SLC9A3: variants seen among roughly 807,000 people sequenced by gnomAD.
The protein encoded by SLC9A3 is sodium/hydrogen exchanger 3.
Under a neutral mutation model 86.8 loss-of-function variants are expected in SLC9A3, and 37 were observed. That is an observed-to-expected ratio of 0.43 (90% CI 0.33 to 0.56). The LOEUF is 0.56. Among genes scored for constraint, SLC9A3 ranks in the 20% least tolerant of loss-of-function variants. SLC9A3 has a pLI of 0.06. For synonymous variants in SLC9A3, 581 were observed against 528.3 expected, an observed-to-expected ratio of 1.10 and a Z score of -1.37; for missense variants, 1,011 against 1,171.9, an observed-to-expected ratio of 0.86 and a Z score of 2.00.
intron 1 of SLC9A3, among the ~76,000 whole-genome samples, chr5:516,928 C>T (rs1329777744): frequency 6.6e-6 from 1 of 152,220 alleles, no homozygotes; most frequent in Non-Finnish European, 1.5e-5. Flanking sequence ...ACAGCCTCTT[C>T]CTGGGCCCAG....
At chr5:509,944 C>T (rs745983866) in intron 1 of SLC9A3, among the ~76,000 whole-genome samples, 2 of 152,230 alleles carry the variant, frequency 1.3e-5, no homozygotes, top group African/African-American at 4.8e-5. Context: ...CTGCAGTCAG[C>T]GCTCCACTGC....
At chr5:517,823 ATCCAT>A (rs1388364089) in intron 1 of SLC9A3, among the ~76,000 whole-genome samples, 2 of 84,666 alleles carry the variant, frequency 2.4e-5, no homozygotes, top group African/African-American at 1.0e-4. Flanking sequence ...CCATCCATCC[ATCCAT>A]CCATCCATCC....
Position 491,869 on chromosome 5 carries a change from G to A in SLC9A3, c.414C>T (p.Gly138=), listed in dbSNP as rs149746070. 4 of 1,610,590 alleles carry A rather than the reference G, an allele frequency of 2.5e-6. No individual in the cohort carries two copies. The highest frequency in any genetic ancestry group is 3.3e-5 in the Admixed American group (2 of 59,754). Residue 138 remains glycine (G), a synonymous_variant, in exon 2 of 17, where the codon GGC becomes GGT. Transcript: ENST00000264938. The surrounding 1 kb of genome is among the most constrained non-coding windows in gnomAD (Gnocchi z 9.2). ...GYFMPNRLFF[G]NLGTILLYAV... ...CGTACAACAGGATGGTCCCCAGGTTGCCGAAGAAGAGGCGGTTGGGCATGA... is the reference window on the plus strand; with the variant it reads ...CGTACAACAGGATGGTCCCCAGGTTACCGAAGAAGAGGCGGTTGGGCATGA...
At chr5:495,352 A>G (rs1579799957) in intron 1 of SLC9A3, among the ~76,000 whole-genome samples, 1 of 147,310 alleles carries the variant, frequency 6.8e-6, no homozygotes, top group African/African-American at 2.5e-5. Context: ...CAACAACGCA[A>G]CTCTGTGCCC....
chr5:499,143 A>G (rs1740156065), intron 1 of SLC9A3, among the ~76,000 whole-genome samples: 1 of 152,240 alleles, frequency 6.6e-6, no homozygotes, highest in African/African-American at 2.4e-5. Context: ...GGTCTGCTCC[A>G]CACGGCTTTT....
At chr5:488,175 G>A in intron 3 of SLC9A3, 141 bp downstream of exon 3, 1 of 848,792 alleles carries the variant, frequency 1.2e-6, no homozygotes, top group Non-Finnish European at 1.9e-6. Flanking sequence ...GAGGAAGGAG[G>A]TGGAGGGACG....
chr5:476,926 C>T (rs1282156998), intron 11 of SLC9A3, among the ~76,000 whole-genome samples: 1 of 152,268 alleles, frequency 6.6e-6, no homozygotes, highest in Non-Finnish European at 1.5e-5. Context: ...CTTACTGGTC[C>T]CTCTCCAAAG....
At position 473,313 on chromosome 5, in the gene SLC9A3, G is replaced by T. The variant is rs1289144842; in HGVS notation, c.*66C>A. On this transcript the variant is annotated 3_prime_UTR_variant, in exon 17 of 17. Transcript: ENST00000264938. ...GATCTGGGGTTTCTCTGGGACAGCG[G>T]CGGCGGCGGTGGGCGGACCGTGGCG... 5 of 1,380,042 alleles carry T rather than the reference G, an allele frequency of 3.6e-6. No homozygotes were observed. The highest frequency in any genetic ancestry group is 3.8e-6 in the Non-Finnish European group (4 of 1,063,140). 85.5% of individuals were successfully genotyped at this position (1,380,042 alleles called of 1,614,324 possible).
intron 14 of SLC9A3, 109 bp from the exon 15 acceptor site, chr5:475,780 C>G (rs45521339): frequency 1.4e-5 from 10 of 732,018 alleles, no homozygotes; most frequent in Non-Finnish European, 2.4e-5. Flanking sequence ...CAGTCGGGAC[C>G]CACAGAGAGG....
In SLC9A3 at chr5:471,188, G is replaced by A. The variant is rs185328779; in HGVS notation, c.*2191C>T. 6.3e-6 allele frequency: 1 copy of A among 159,424 alleles called. No homozygotes were observed. Among genetic ancestry groups the A allele is most frequent in the African/African-American group, 2.4e-5 (1 of 41,666 alleles). The allele number at this position is 159,424 out of a possible 1,614,324, so 9.9% of individuals were successfully genotyped here. ...TCAAGGAGGTGTTGGTGGGAGTGTT[G>A]TGTTCACCATGTGGAGATCAGGCGG... On this transcript the variant is annotated 3_prime_UTR_variant, in exon 17 of 17. Transcript: ENST00000264938.
At position 491,776 on chromosome 5, in the gene SLC9A3, C is replaced by A. The variant is rs765014852; in HGVS notation, c.507G>T (p.Gly169=). 6.5e-7 allele frequency: 1 copy of A among 1,544,476 alleles called. No individual in the cohort carries two copies. The highest frequency in any genetic ancestry group is 1.2e-5 in the South Asian group (1 of 83,150). The part of the protein sequence containing the change: ...GLSLYGVFLS[G]LMGDLQIGLL... ...ACAGTGGCGCAGACTCACCCATGAG[C>A]CCACTGAGGAAGACGCCGTAGAGGG... Residue 169 remains glycine (G), a synonymous_variant, in exon 2 of 17, where the codon GGG becomes GGT. Transcript: ENST00000264938. This position sits in a 1 kb window ranked among gnomAD's most constrained non-coding sequence, Gnocchi z 9.2.
rs765054136 is a variant in SLC9A3 at position 491,841 on chromosome 5, C to T, written c.442G>A (p.Val148Ile). Reference sequence around the variant, plus strand: ...GCCGCGTTCCACACGGTACCCACGACGGCGTACAACAGGATGGTCCCCAGG... The same window carrying T: ...GCCGCGTTCCACACGGTACCCACGATGGCGTACAACAGGATGGTCCCCAGG... ...GNLGTILLYA[V>I]VGTVWNAATT... The change falls in exon 2 of 17, where the codon GTC becomes ATC. Residue 148 changes from valine to isoleucine, a missense_variant. By Grantham distance (29) the Val-to-Ile change is conservative. Coordinates refer to ENST00000264938, the MANE Select transcript of SLC9A3 (RefSeq NM_004174.4). The surrounding 1 kb of genome is among the most constrained non-coding windows in gnomAD (Gnocchi z 9.2). 4.7e-5 allele frequency: 76 copies of T among 1,601,632 alleles called. No homozygotes were observed. The highest frequency in any genetic ancestry group is 1.7e-4 in the Middle Eastern group (1 of 6,058).
chr5:476,411 C>G (rs1379704069), intron 12 of SLC9A3, 33 bp from the exon 13 acceptor site: 1 of 1,611,850 alleles, frequency 6.2e-7, no homozygotes, highest in East Asian at 2.2e-5. Context: ...CACAGCTGTG[C>G]CCACCGCCGG....
chr5:476,563 G>T lies in SLC9A3; in HGVS notation c.1870C>A (p.Leu624Met). Residue 624 changes from leucine (L) to methionine (M), a missense_variant, in exon 12 of 17, where the codon CTG (leucine) becomes ATG (methionine). Transcript: ENST00000264938. Reference protein sequence around the residue: ...MVTHHTLQQYLYKPRQEYKHL... With the variant: ...MVTHHTLQQYMYKPRQEYKHL... ...CCCACCTCCTGCCGCGGCTTGTACAGGTACTGCTGTAGCGTGTGGTGCGTG... is the reference window on the plus strand; with the variant it reads ...CCCACCTCCTGCCGCGGCTTGTACATGTACTGCTGTAGCGTGTGGTGCGTG... 1 of 1,611,492 alleles carries T rather than the reference G, an allele frequency of 6.2e-7. No homozygotes were observed.
intron 15 of SLC9A3, 61 bp downstream of exon 15, chr5:475,500 C>G (rs888174722): frequency 9.6e-5 from 97 of 1,008,478 alleles, no homozygotes; most frequent in Non-Finnish European, 1.4e-4. Flanking sequence ...TGACCGAGCT[C>G]CCTCCTGGGG....
chr5:481,460 T>C (rs1251254082), intron 9 of SLC9A3, 105 bp downstream of exon 9: 7 of 995,792 alleles, frequency 7.0e-6, no homozygotes, highest in Non-Finnish European at 1.1e-5. Context: ...TGACCAAGCC[T>C]GGACTCAAAC....
intron 4 of SLC9A3, among the ~76,000 whole-genome samples, 181 bp from the exon 5 acceptor site, chr5:484,878 C>T (rs913562073): frequency 6.6e-6 from 1 of 152,214 alleles, no homozygotes; most frequent in Non-Finnish European, 1.5e-5. Context: ...AGGACCCTCC[C>T]GTGCCCCTGG....
At position 499,595 on chromosome 5, in the gene SLC9A3, G is replaced by A. The variant is rs570244032; in HGVS notation, c.212-7524C>T. On this transcript the variant is annotated intron_variant, in intron 1 of 16. Coordinates refer to ENST00000264938, the MANE Select transcript of SLC9A3 (RefSeq NM_004174.4). ...TGGAAACGTCCCCACATGCTGGGCCGTCCTTCCTTCCTGTGCCCTCTGTCC... is the reference window on the plus strand; with the variant it reads ...TGGAAACGTCCCCACATGCTGGGCCATCCTTCCTTCCTGTGCCCTCTGTCC... 3.9e-5 allele frequency among the ~76,000 whole-genome samples: 6 copies of A among 152,348 alleles called. No individual in the cohort carries two copies. In the South Asian group the frequency reaches 6.2e-4, roughly 16 times the overall value.
chr5:490,001 C>T (rs777004436), intron 2 of SLC9A3, among the ~76,000 whole-genome samples: 22 of 152,364 alleles, frequency 1.4e-4, no homozygotes, highest in South Asian at 1.2e-3. Flanking sequence ...ACTGCCATGT[C>T]GACCCTTTCC....
Sources: gnomAD v4.1 joint callset for allele counts (sites outside exome capture counted in the v4.1 genomes callset) on GRCh38, gnomAD v4.1.1 for gene constraint, Gnocchi (gnomAD v3.1) non-coding constraint, MANE v1.5 for transcripts, NCBI Gene and HGNC (gene_info 2026-07-23, HGNC 2026-07-21) for gene names.